The following MAPRE3 variants were observed in gnomAD, a reference collection of about 807,000 sequenced individuals.
MAPRE3 encodes microtubule associated protein RP/EB family member 3, also known as microtubule-associated protein RP/EB family member 3.
MAPRE3 carries 2 observed loss-of-function variants against 30.5 expected under a neutral mutation model. The ratio of observed to expected loss-of-function variants is 0.07; its 90% CI spans 0.03 to 0.21. The LOEUF (loss-of-function observed/expected upper bound fraction) is 0.21. Ranked by LOEUF, MAPRE3 falls within the 10% of genes least tolerant of loss-of-function variation. The pLI is 1.00. For missense variants in MAPRE3, 204 were observed against 351.8 expected, an observed-to-expected ratio of 0.58 and a Z score of 3.36; for synonymous variants, 110 against 127.7, an observed-to-expected ratio of 0.86 and a Z score of 0.93.
At chr2:27,023,046 C>T (rs1373717623) in intron 2 of MAPRE3, among the ~76,000 whole-genome samples, 1 of 152,208 alleles carries the variant, frequency 6.6e-6, no homozygotes, top group Non-Finnish European at 1.5e-5. Flanking sequence ...TTTTCTCATC[C>T]ATAAGATGGA....
At chr2:27,010,632 G>T (rs971689843) in intron 1 of MAPRE3, among the ~76,000 whole-genome samples, 1 of 152,086 alleles carries the variant, frequency 6.6e-6, no homozygotes, top group South Asian at 2.1e-4. Context: ...TAGTAGGGGT[G>T]GGGTTTTGCC....
intron 1 of MAPRE3, among the ~76,000 whole-genome samples, chr2:26,990,145 G>A (rs980614102): frequency 1.6e-4 from 25 of 152,172 alleles, no homozygotes; most frequent in African/African-American, 5.8e-4. Context: ...TTGCCCTCCA[G>A]CCTGGGCGAC....
rs1159748956 is a variant in MAPRE3, at chr2:26,986,450, G to A, written c.-8+15648G>A. On this transcript the variant is annotated intron_variant, in intron 1 of 6. Transcript: ENST00000233121. This position sits in a 1 kb window ranked among gnomAD's most constrained non-coding sequence, Gnocchi z 4.2. Reference sequence around the variant, plus strand: ...AATTAGATGCTACTCCCTGAATCTTGAGAAAAGCAGTATCAAAGGAAACAC... The same window carrying A: ...AATTAGATGCTACTCCCTGAATCTTAAGAAAAGCAGTATCAAAGGAAACAC... 3 of 152,180 alleles carry A rather than the reference G, an allele frequency of 2.0e-5. No individual in the cohort carries two copies. Among genetic ancestry groups the A allele is most frequent in the Non-Finnish European group, 4.4e-5 (3 of 68,038 alleles). 9.4% of individuals were successfully genotyped at this position (152,180 alleles called of 1,614,324 possible). A position where few individuals can be genotyped will look rare whatever the true frequency, so the allele number is the denominator to read the frequency against.
Position 27,022,310 on chromosome 2 carries a change from A to C in MAPRE3, c.92A>C (p.Asn31Thr), listed in dbSNP as rs151223078. Residue 31 changes from asparagine (N) to threonine (T), a missense_variant, in exon 2 of 7, where the codon AAC becomes ACC. By Grantham distance (65) the Asn-to-Thr change is moderately conservative. Coordinates refer to ENST00000233121, the MANE Select transcript of MAPRE3 (RefSeq NM_012326.4). ...TGGGTCAACGACTCCCTGCACCTCA[A>C]CTATACCAAGATAGAACAGCTTTGT... Reference protein sequence around the residue: ...LAWVNDSLHLNYTKIEQLCSG... With the variant: ...LAWVNDSLHLTYTKIEQLCSG... The C allele has an allele frequency of 3.7e-6, 6 of 1,614,062 alleles. No homozygotes were observed. The African/African-American group carries it at 8.0e-5, about 22-fold the overall frequency.
In MAPRE3 at chr2:27,023,420, A is replaced by G; in HGVS notation, c.210A>G (p.Glu70=). The change falls in exon 3 of 7, where the codon GAA becomes GAG. Residue 70 remains glutamate (E), a synonymous_variant. Coordinates refer to ENST00000233121, the MANE Select transcript of MAPRE3 (RefSeq NM_012326.4). ...KVKFQAKLEH[E]YIHNFKVLQA... ...AGTTCCAGGCCAAACTAGAGCACGAATACATCCACAACTTCAAGGTGCTGC... is the reference window on the plus strand; with the variant it reads ...AGTTCCAGGCCAAACTAGAGCACGAGTACATCCACAACTTCAAGGTGCTGC... 6.2e-7 allele frequency: 1 copy of G among 1,614,164 alleles called. No individual in the cohort carries two copies. The highest frequency in any genetic ancestry group is 1.1e-5 in the South Asian group (1 of 91,086).
chr2:27,023,607 T>C (rs1338277971), intron 3 of MAPRE3, 130 bp downstream of exon 3: 10 of 1,105,446 alleles, frequency 9.0e-6, no homozygotes, highest in African/African-American at 1.5e-5. Context: ...CTCCCGACTC[T>C]CCAGAGGGAA....
At chr2:27,007,139 T>G (rs1206432843) in intron 1 of MAPRE3, among the ~76,000 whole-genome samples, 1 of 152,224 alleles carries the variant, frequency 6.6e-6, no homozygotes, top group African/African-American at 2.4e-5. Context: ...CATATTCTGG[T>G]TTTCCTTTAC....
intron 1 of MAPRE3, among the ~76,000 whole-genome samples, chr2:26,989,388 G>C (rs1252972609): frequency 6.6e-6 from 1 of 152,172 alleles, no homozygotes; most frequent in Non-Finnish European, 1.5e-5. Flanking sequence ...GTGATCCGGA[G>C]TCCGTGCAAT....
intron 1 of MAPRE3, among the ~76,000 whole-genome samples, chr2:26,981,066 T>C (rs1319312468): frequency 6.6e-6 from 1 of 151,452 alleles, no homozygotes; most frequent in African/African-American, 2.4e-5. Flanking sequence ...CTTGCTGAGG[T>C]GGGGGAGGGA....
chr2:27,009,050 G>T (rs1002325524), intron 1 of MAPRE3, among the ~76,000 whole-genome samples: 11 of 152,256 alleles, frequency 7.2e-5, no homozygotes, highest in Admixed American at 3.3e-4. Context: ...ATAGGGTTGG[G>T]GGGGAGGGCA....
intron 1 of MAPRE3, among the ~76,000 whole-genome samples, chr2:26,978,355 A>G (rs1401651127): frequency 6.6e-6 from 1 of 152,198 alleles, no homozygotes; most frequent in Admixed American, 6.5e-5. Context: ...TGTTTCACGC[A>G]GGCTTATCTC....
intron 1 of MAPRE3, among the ~76,000 whole-genome samples, chr2:26,995,885 T>C (rs1326935914): frequency 6.8e-6 from 1 of 146,214 alleles, no homozygotes; most frequent in African/African-American, 2.5e-5. Context: ...CCTTTTCTGT[T>C]TGGGGACTAC....
At chr2:27,016,789 C>T (rs1260849627) in intron 1 of MAPRE3, among the ~76,000 whole-genome samples, 1 of 152,140 alleles carries the variant, frequency 6.6e-6, no homozygotes, top group Non-Finnish European at 1.5e-5. Context: ...GGTGTGAGTC[C>T]AGGCCCAAGT....
intron 1 of MAPRE3, among the ~76,000 whole-genome samples, chr2:26,979,450 G>A (rs1039289852): frequency 2.6e-5 from 4 of 152,184 alleles, no homozygotes; most frequent in African/African-American, 9.6e-5. Flanking sequence ...GCCGGGCATG[G>A]TGGCATATAC....
chr2:27,016,871 C>T (rs1453604960), intron 1 of MAPRE3, among the ~76,000 whole-genome samples: 3 of 152,074 alleles, frequency 2.0e-5, no homozygotes, highest in Admixed American at 1.3e-4. Flanking sequence ...TTAGGGGATA[C>T]GGAGGCTGGC....
intron 1 of MAPRE3, among the ~76,000 whole-genome samples, chr2:27,000,267 G>T (rs997614056): frequency 2.6e-5 from 4 of 152,312 alleles, no homozygotes; most frequent in East Asian, 3.9e-4. Context: ...GTCATGAAAA[G>T]GTTCTTAGGG....
intron 1 of MAPRE3, among the ~76,000 whole-genome samples, chr2:26,992,458 C>T (rs149981481): frequency 1.3e-5 from 2 of 152,080 alleles, no homozygotes; most frequent in East Asian, 3.9e-4. Context: ...CTCCCGACGT[C>T]AGGTGATCCA....
At chr2:27,016,144 A>G (rs988754318) in intron 1 of MAPRE3, among the ~76,000 whole-genome samples, 5 of 152,164 alleles carry the variant, frequency 3.3e-5, no homozygotes, top group African/African-American at 1.2e-4. Context: ...CTGATCCTCG[A>G]ATGGGGATCC....
intron 1 of MAPRE3, among the ~76,000 whole-genome samples, chr2:27,006,442 C>T (rs989794674): frequency 1.1e-4 from 17 of 152,114 alleles, no homozygotes; most frequent in Non-Finnish European, 2.2e-4. Context: ...TTTTGTTTTT[C>T]TCTTCAGATA....
Sources: allele counts gnomAD v4.1 joint callset (sites outside exome capture counted in the v4.1 genomes callset), GRCh38; gene constraint gnomAD v4.1.1; non-coding constraint Gnocchi (gnomAD v3.1); transcripts MANE v1.5; gene names NCBI Gene and HGNC (gene_info 2026-07-23, HGNC 2026-07-21).